Variants in ZNF106 observed in about 807,000 individuals in gnomAD.
The protein encoded by ZNF106 is zinc finger protein 106, also known as SH3-domain binding protein 3.
In ZNF106, 67 loss-of-function variants were observed where a neutral mutation model predicts 195.1. That is an observed-to-expected ratio of 0.34 (90% CI 0.28 to 0.42). The LOEUF is 0.42. Ranked by LOEUF, ZNF106 falls within the 10% of genes least tolerant of loss-of-function variation. The pLI, the probability that ZNF106 is intolerant of heterozygous loss-of-function variation, is 1.00. For missense variants in ZNF106, 2,118 were observed against 2,304.5 expected (o/e 0.92, Z 1.66); for synonymous variants, 784 against 818.6 (o/e 0.96, Z 0.72).
Position 42,451,687 on chromosome 15 carries a change from C to T in ZNF106, c.585G>A (p.Ser195=), listed in dbSNP as rs765929796. ...GWHKGVAGGS[S]TWFHNHSNSG... ...AATTACTATGGTTGTGAAACCAAGT[C>T]GAGGAGCCTCCTGCAACACCCTTAT... is the stretch of plus-strand genomic sequence containing the variant. The change falls in exon 5 of 22, where the codon TCG becomes TCA. Residue 195 remains serine, a synonymous_variant. Coordinates refer to ENST00000564754, the MANE Select transcript of ZNF106 (RefSeq NM_001366845.3). 3.7e-6 allele frequency: 6 copies of T among 1,614,074 alleles called. No homozygotes were observed. The highest frequency in any genetic ancestry group is 3.3e-5 in the Admixed American group (2 of 60,012).
intron 3 of ZNF106, 192 bp from the exon 4 acceptor site, chr15:42,457,350 G>T: frequency 7.0e-7 from 1 of 1,435,766 alleles, no homozygotes; most frequent in South Asian, 1.6e-5. Flanking sequence ...ATGATTTTAA[G>T]ATTCTTTTCC....
intron 12 of ZNF106, 54 bp from the exon 13 acceptor site, chr15:42,437,431 C>A: frequency 6.3e-7 from 1 of 1,588,392 alleles, no homozygotes; most frequent in Non-Finnish European, 8.5e-7. Context: ...TGAAAAGATA[C>A]TCAAAAATCA....
chr15:42,425,326 G>GT (rs941376482), intron 15 of ZNF106: 8 of 304,176 alleles, frequency 2.6e-5, no homozygotes, highest in East Asian at 6.6e-5. Context: ...TTCACCACCT[G>GT]TAAGTTAATA....
chr15:42,462,667 T>C (rs767798903), intron 3 of ZNF106, among the ~76,000 whole-genome samples: 2 of 152,182 alleles, frequency 1.3e-5, no homozygotes, highest in African/African-American at 2.4e-5. Flanking sequence ...GCACCAACCA[T>C]TGAGTCTCCT....
At chr15:42,462,047 A>G (rs945343281) in intron 3 of ZNF106, among the ~76,000 whole-genome samples, 4 of 152,232 alleles carry the variant, frequency 2.6e-5, no homozygotes, top group Admixed American at 2.0e-4. Flanking sequence ...ATATGTGAGT[A>G]AATAAGTACT....
intron 1 of ZNF106, among the ~76,000 whole-genome samples, chr15:42,482,929 G>C (rs1416888001): frequency 6.6e-6 from 1 of 152,152 alleles, no homozygotes. Flanking sequence ...TTTATTCACA[G>C]AGTCTGATGC....
At chr15:42,477,046 C>T (rs116341462) in intron 1 of ZNF106, among the ~76,000 whole-genome samples, 2,379 of 152,138 alleles carry the variant, frequency 0.016, 63 homozygotes, top group African/African-American at 0.055. Context: ...GGTATCGGTG[C>T]CCCCAACCCT....
At chr15:42,484,274 A>G (rs2056963105) in intron 1 of ZNF106, among the ~76,000 whole-genome samples, 1 of 152,242 alleles carries the variant, frequency 6.6e-6, no homozygotes, top group South Asian at 2.1e-4. Flanking sequence ...TTACTTACAC[A>G]TGTAAAACTT....
intron 20 of ZNF106, among the ~76,000 whole-genome samples, chr15:42,418,501 G>A (rs2054535848): frequency 6.7e-6 from 1 of 149,088 alleles, no homozygotes; most frequent in African/African-American, 2.5e-5. Flanking sequence ...AAATAGTTGG[G>A]ATTACAGGCG....
At position 42,442,281 on chromosome 15, in the gene ZNF106, A is replaced by C; in HGVS notation, c.3555T>G (p.Pro1185=). The change falls in exon 10 of 22, where the codon CCT becomes CCG. Residue 1185 remains proline, a synonymous_variant. Transcript: ENST00000564754. ...GTGATGGAGACACATGGGAAGATGG[A>C]GGCTCCAGAAAAAGTGGGAAAAAGG... ...PTPFFPLFLE[P]PSSHVSPSPT... is the part of the protein sequence containing the mutation. 6.2e-7 allele frequency: 1 copy of C among 1,614,150 alleles called. No individual in the cohort carries two copies. The highest frequency in any genetic ancestry group is 8.5e-7 in the Non-Finnish European group (1 of 1,180,036).
rs1049585660 is a variant in ZNF106 at position 42,477,108 on chromosome 15, T to C, written c.-32-4787A>G. ...TTTCTTTATCAGTCTATCTATGGGT[T>C]TGTTAATATTATTAATCTTTTCAAA... On this transcript the variant is annotated intron_variant, in intron 1 of 21. Transcript: ENST00000564754. Among the ~76,000 whole-genome samples, 6 of 152,158 alleles carry C rather than the reference T, an allele frequency of 3.9e-5. No individual in the cohort carries two copies. The East Asian group carries it at 1.2e-3, about 29-fold the overall frequency.
intron 2 of ZNF106, among the ~76,000 whole-genome samples, chr15:42,468,069 T>G (rs1472681488): frequency 1.3e-5 from 1 of 77,028 alleles, no homozygotes; most frequent in African/African-American, 1.8e-4. Flanking sequence ...TCAAAACGCC[T>G]TTTTTTTTTT....
intron 20 of ZNF106, among the ~76,000 whole-genome samples, chr15:42,418,361 T>C (rs2054530025): frequency 6.7e-6 from 1 of 148,944 alleles, no homozygotes; most frequent in Admixed American, 6.6e-5. Flanking sequence ...AAAGGGCTTT[T>C]TTTTTTTTTT....
At chr15:42,421,525 A>T (rs76574543) in intron 19 of ZNF106, among the ~76,000 whole-genome samples, 3 of 152,058 alleles carry the variant, frequency 2.0e-5, no homozygotes, top group Non-Finnish European at 4.4e-5. Context: ...ACTTAAAAAT[A>T]AAAAAAACAA....
intron 19 of ZNF106, 94 bp from the exon 20 acceptor site, chr15:42,421,226 C>T (rs1238226469): frequency 5.2e-6 from 6 of 1,149,552 alleles, no homozygotes; most frequent in South Asian, 4.9e-5. Context: ...GCAGCAGCTA[C>T]AAGAAAACAA....
At chr15:42,428,771 G>T (rs1044529490) in intron 14 of ZNF106, among the ~76,000 whole-genome samples, 1 of 152,014 alleles carries the variant, frequency 6.6e-6, no homozygotes, top group Non-Finnish European at 1.5e-5. Flanking sequence ...TTCAAAAAAC[G>T]ATTTCTTTTT....
intron 16 of ZNF106, 117 bp downstream of exon 16, chr15:42,424,717 C>A: frequency 9.7e-7 from 1 of 1,034,704 alleles, no homozygotes; most frequent in Admixed American, 2.8e-5. Context: ...TGAGCTCAAG[C>A]GATCCCCCTG....
chr15:42,479,284 G>A (rs2056850539), intron 1 of ZNF106, among the ~76,000 whole-genome samples: 1 of 152,090 alleles, frequency 6.6e-6, no homozygotes, highest in Non-Finnish European at 1.5e-5. Context: ...TGAGGCAGGA[G>A]AATCGCTTGA....
intron 1 of ZNF106, among the ~76,000 whole-genome samples, chr15:42,480,558 T>C (rs1240294360): frequency 6.6e-6 from 1 of 152,234 alleles, no homozygotes; most frequent in Non-Finnish European, 1.5e-5. Context: ...TCTGTCTTGT[T>C]TGGATTATTC....
Sources: allele counts gnomAD v4.1 joint callset (sites outside exome capture counted in the v4.1 genomes callset), GRCh38; gene constraint gnomAD v4.1.1; transcripts MANE v1.5; gene names NCBI Gene and HGNC (gene_info 2026-07-23, HGNC 2026-07-21).